AKT3: variants seen among roughly 807,000 people sequenced by gnomAD.
AKT3 encodes the protein AKT serine/threonine kinase 3.
Under a neutral mutation model 65.3 loss-of-function variants are expected in AKT3, and 15 were observed. The ratio of observed to expected loss-of-function variants is 0.23; its 90% CI spans 0.15 to 0.35. The LOEUF (loss-of-function observed/expected upper bound fraction) is 0.35, where lower values mean the gene tolerates loss of function less well. AKT3 is among the 10% of genes least tolerant of loss of function. The pLI, the probability that AKT3 is intolerant of heterozygous loss-of-function variation, is 1.00. For missense variants in AKT3, 243 were observed against 576.5 expected (o/e 0.42, Z 5.92); for synonymous variants, 206 against 183.8 (o/e 1.12, Z -0.98).
intron 2 of AKT3, among the ~76,000 whole-genome samples, chr1:243,801,744 A>G (rs966044584): frequency 6.6e-6 from 1 of 152,232 alleles, no homozygotes; most frequent in South Asian, 2.1e-4. Context: ...TTACCAATTT[A>G]ATCTACTATT....
intron 8 of AKT3, among the ~76,000 whole-genome samples, chr1:243,587,195 T>C (rs2148541363): frequency 6.6e-6 from 1 of 152,314 alleles, no homozygotes; most frequent in East Asian, 1.9e-4. Flanking sequence ...TGAGGTGAGA[T>C]AAGCATCTTT....
chr1:243,601,457 T>C (rs576352214), intron 8 of AKT3, among the ~76,000 whole-genome samples: 5 of 152,260 alleles, frequency 3.3e-5, no homozygotes, highest in African/African-American at 1.2e-4. Flanking sequence ...GGTGATGTTG[T>C]CAAGTAACAT....
intron 12 of AKT3, among the ~76,000 whole-genome samples, chr1:243,521,665 G>A (rs1670726620): frequency 6.6e-6 from 1 of 151,964 alleles, no homozygotes; most frequent in Non-Finnish European, 1.5e-5. Flanking sequence ...TGTACCAAGG[G>A]GCCCAAGGTA....
intron 8 of AKT3, among the ~76,000 whole-genome samples, chr1:243,603,190 T>A (rs1677146223): frequency 6.6e-6 from 1 of 152,148 alleles, no homozygotes; most frequent in Non-Finnish European, 1.5e-5. Flanking sequence ...CCCACTGAAA[T>A]TGCACTGAAC....
chr1:243,659,902 T>C (rs771512273), intron 4 of AKT3, among the ~76,000 whole-genome samples: 1 of 152,240 alleles, frequency 6.6e-6, no homozygotes, highest in Non-Finnish European at 1.5e-5. Context: ...TTGAGGATTT[T>C]TGTATCAATG....
chr1:243,725,284 G>A (rs1687143483), intron 2 of AKT3, among the ~76,000 whole-genome samples: 1 of 152,102 alleles, frequency 6.6e-6, no homozygotes, highest in Non-Finnish European at 1.5e-5. Flanking sequence ...TCAGAAGGAA[G>A]AGTTTACTTT....
At chr1:243,637,447 A>G (rs969972497) in intron 6 of AKT3, among the ~76,000 whole-genome samples, 164 bp downstream of exon 6, 1 of 152,134 alleles carries the variant, frequency 6.6e-6, no homozygotes, top group Non-Finnish European at 1.5e-5. Context: ...GAAAACTTTA[A>G]AAATTACAAA....
In AKT3 at chr1:243,501,412, G is replaced by C. The variant is rs1356114342; in HGVS notation, c.*3837C>G. 4.3e-6 allele frequency: 1 copy of C among 232,998 alleles called. No individual in the cohort carries two copies. The highest frequency in any genetic ancestry group is 8.5e-6 in the Non-Finnish European group (1 of 117,972). 14.4% of individuals were successfully genotyped at this position (232,998 alleles called of 1,614,324 possible). ...TTCCTTCAGATTCTGGGTCCAAACCGTGTGTTGTATAGATGATTCGGGTCT... is the reference window on the plus strand; with the variant it reads ...TTCCTTCAGATTCTGGGTCCAAACCCTGTGTTGTATAGATGATTCGGGTCT... On this transcript the variant is annotated 3_prime_UTR_variant, in exon 14 of 14. Transcript: ENST00000673466.
chr1:243,723,652 A>G (rs1477935983), intron 2 of AKT3, among the ~76,000 whole-genome samples: 1 of 152,164 alleles, frequency 6.6e-6, no homozygotes, highest in East Asian at 1.9e-4. Context: ...GACGCCAAGC[A>G]CTGTGATTCA....
chr1:243,505,777 A>C (rs901104724), intron 13 of AKT3, among the ~76,000 whole-genome samples: 1 of 152,242 alleles, frequency 6.6e-6, no homozygotes, highest in Admixed American at 6.5e-5. Context: ...CTTTAAGTGC[A>C]ACTGCAAAAT....
At chr1:243,562,182 G>C (rs1427942985) in intron 10 of AKT3, among the ~76,000 whole-genome samples, 1 of 152,110 alleles carries the variant, frequency 6.6e-6, no homozygotes, top group Non-Finnish European at 1.5e-5. Context: ...GCTAAAACAG[G>C]GAGGAACACT....
chr1:243,563,586 G>T, intron 10 of AKT3, 134 bp downstream of exon 10: 1 of 1,098,722 alleles, frequency 9.1e-7, no homozygotes, highest in Non-Finnish European at 1.2e-6. Context: ...CAAATTAAGA[G>T]CCAAAAAATT....
At chr1:243,731,901 G>A (rs1687594015) in intron 2 of AKT3, among the ~76,000 whole-genome samples, 1 of 152,116 alleles carries the variant, frequency 6.6e-6, no homozygotes, top group South Asian at 2.1e-4. Flanking sequence ...TCAGTGAAAT[G>A]CCTCATATGT....
In AKT3 at chr1:243,816,235, A is replaced by T. The variant is rs533820349; in HGVS notation, c.46+26890T>A. ...TCAAGATGGTGTTTTTCTAGGTCAC[A>T]TAGCAGTTTGAATTGCTTTTTGAAC... On this transcript the variant is annotated intron_variant, in intron 2 of 13. Transcript: ENST00000673466. Among the ~76,000 whole-genome samples, 146 of 152,334 alleles carry T rather than the reference A, an allele frequency of 9.6e-4. 1 individual carries two copies. Among genetic ancestry groups the T allele is most frequent in the Non-Finnish European group, 1.7e-3 (117 of 68,028 alleles).
chr1:243,744,211 T>C (rs1688334481), intron 2 of AKT3, among the ~76,000 whole-genome samples: 1 of 152,180 alleles, frequency 6.6e-6, no homozygotes, highest in African/African-American at 2.4e-5. Flanking sequence ...AGCCGCCATA[T>C]GATTTCATAC....
chr1:243,715,912 C>A (rs540396915), intron 2 of AKT3, among the ~76,000 whole-genome samples: 27 of 151,980 alleles, frequency 1.8e-4, no homozygotes, highest in Non-Finnish European at 4.0e-4. Flanking sequence ...AATATAAGAT[C>A]TGAAAATTTA....
chr1:243,573,168 G>A, intron 8 of AKT3, 120 bp from the exon 9 acceptor site: 1 of 1,151,708 alleles, frequency 8.7e-7, no homozygotes, highest in African/African-American at 1.6e-5. Context: ...ACTCTCAGTG[G>A]ACACTGAGCA....
chr1:243,695,256 C>A lies in AKT3; in HGVS notation c.172+335G>T, dbSNP rs563895678. 1.5e-3 allele frequency among the ~76,000 whole-genome samples: 229 copies of A among 151,992 alleles called. 1 individual carries two copies. The highest frequency in any genetic ancestry group is 5.3e-3 in the African/African-American group (221 of 41,526). Reference sequence around the variant, plus strand: ...GAAACTGATTAAAGTGCATTAAGTACCACAACATCTTATAATCATGCTAAA... The same window carrying A: ...GAAACTGATTAAAGTGCATTAAGTAACACAACATCTTATAATCATGCTAAA... On this transcript the variant is annotated intron_variant, in intron 3 of 13. Coordinates refer to ENST00000673466, the MANE Select transcript of AKT3 (RefSeq NM_005465.7).
chr1:243,571,871 G>A (rs1396517633), intron 9 of AKT3, among the ~76,000 whole-genome samples: 1 of 152,130 alleles, frequency 6.6e-6, no homozygotes. Flanking sequence ...TGATCTAGAT[G>A]TTTTATAGGT....
Sources: allele counts gnomAD v4.1 joint callset (sites outside exome capture counted in the v4.1 genomes callset), GRCh38; gene constraint gnomAD v4.1.1; transcripts MANE v1.5; gene names NCBI Gene and HGNC (gene_info 2026-07-23, HGNC 2026-07-21).